DSCAM: variants seen among roughly 807,000 people sequenced by gnomAD.
DSCAM encodes the protein DS cell adhesion molecule.
DSCAM carries 47 observed loss-of-function variants against 217.7 expected under a neutral mutation model. The ratio of observed to expected loss-of-function variants is 0.22; its 90% CI spans 0.17 to 0.28. DSCAM has a LOEUF of 0.28. Ranked by LOEUF, DSCAM falls within the 10% of genes least tolerant of loss-of-function variation. The pLI is 1.00. For missense variants in DSCAM, 2,080 were observed against 2,618.3 expected (o/e 0.79, Z 4.49); for synonymous variants, 1,056 against 1,015.3 (o/e 1.04, Z -0.76).
At chr21:40,381,770 T>C (rs1163870063) in intron 3 of DSCAM, among the ~76,000 whole-genome samples, 1 of 152,242 alleles carries the variant, frequency 6.6e-6, no homozygotes, top group East Asian at 1.9e-4. Context: ...TTTCACACTT[T>C]GGGTTCACCT....
At chr21:40,787,641 T>A (rs979088567) in intron 1 of DSCAM, among the ~76,000 whole-genome samples, 1 of 152,216 alleles carries the variant, frequency 6.6e-6, no homozygotes, top group East Asian at 1.9e-4. Context: ...AGCAGTTCGG[T>A]GTAATACCAG....
At chr21:40,068,800 T>G (rs189841351) in intron 27 of DSCAM, among the ~76,000 whole-genome samples, 2 of 152,270 alleles carry the variant, frequency 1.3e-5, no homozygotes, top group African/African-American at 4.8e-5. Context: ...AAATGGGGTA[T>G]GATGGCTGGA....
intron 1 of DSCAM, among the ~76,000 whole-genome samples, chr21:40,731,753 G>C (rs1389757125): frequency 9.0e-6 from 1 of 110,584 alleles, no homozygotes; most frequent in Non-Finnish European, 1.7e-5. Flanking sequence ...CCCCGGGTGA[G>C]AGTCTTGCTC....
chr21:40,131,328 A>G (rs1448519842), intron 19 of DSCAM, among the ~76,000 whole-genome samples: 1 of 152,248 alleles, frequency 6.6e-6, no homozygotes, highest in Non-Finnish European at 1.5e-5. Flanking sequence ...GGTTGACACA[A>G]TTCTTCACCG....
intron 3 of DSCAM, among the ~76,000 whole-genome samples, chr21:40,569,029 A>T (rs988417498): frequency 2.0e-5 from 3 of 152,168 alleles, no homozygotes; most frequent in African/African-American, 7.2e-5. Context: ...CCCCCTGCCT[A>T]GTAGCATTTC....
intron 14 of DSCAM, among the ~76,000 whole-genome samples, chr21:40,184,891 A>C (rs980392435): frequency 1.3e-5 from 2 of 152,204 alleles, no homozygotes; most frequent in Non-Finnish European, 2.9e-5. Context: ...ATTTTCCTGC[A>C]TGCTGGAGCA....
chr21:40,625,772 C>A (rs2089592701), intron 3 of DSCAM, among the ~76,000 whole-genome samples: 1 of 152,216 alleles, frequency 6.6e-6, no homozygotes, highest in East Asian at 1.9e-4. Flanking sequence ...TTACAAAAAA[C>A]ACATAAACAA....
In DSCAM at chr21:40,847,076, C is replaced by A. The variant is rs1028943966; in HGVS notation, c.-415G>T. ...CCTCCGCATCCAGGCAGCAGGCGGGCGGGCAGGCTCATCTTTGCCGTGCTC... is the reference window on the plus strand; with the variant it reads ...CCTCCGCATCCAGGCAGCAGGCGGGAGGGCAGGCTCATCTTTGCCGTGCTC... On this transcript the variant is annotated 5_prime_UTR_variant, in exon 1 of 33. Coordinates refer to ENST00000400454, the MANE Select transcript of DSCAM (RefSeq NM_001389.5). The A allele has an allele frequency of 1.3e-5, 2 of 152,338 alleles. No homozygotes were observed. Among genetic ancestry groups the A allele is most frequent in the African/African-American group, 4.8e-5 (2 of 41,456 alleles). 9.4% of individuals were successfully genotyped at this position (152,338 alleles called of 1,614,324 possible).
intron 3 of DSCAM, among the ~76,000 whole-genome samples, chr21:40,681,215 A>T (rs1161739968): frequency 6.6e-6 from 1 of 152,246 alleles, no homozygotes; most frequent in African/African-American, 2.4e-5. Flanking sequence ...GTGGCACCCG[A>T]AAGTGAGGAT....
At chr21:40,326,701 A>G (rs1029838883) in intron 8 of DSCAM, among the ~76,000 whole-genome samples, 1 of 152,166 alleles carries the variant, frequency 6.6e-6, no homozygotes, top group African/African-American at 2.4e-5. Context: ...AGAAACAGAA[A>G]GGGCTGAGAG....
intron 1 of DSCAM, among the ~76,000 whole-genome samples, chr21:40,709,458 T>C (rs776922154): frequency 1.2e-4 from 18 of 152,176 alleles, no homozygotes; most frequent in Non-Finnish European, 2.2e-4. Context: ...GTCATCTACA[T>C]TAGGTATTTC....
intron 8 of DSCAM, among the ~76,000 whole-genome samples, chr21:40,334,429 T>A (rs1342711521): frequency 6.6e-6 from 1 of 152,134 alleles, no homozygotes; most frequent in Non-Finnish European, 1.5e-5. Flanking sequence ...GTCTTTATTT[T>A]CCTCACACCT....
chr21:40,485,653 AATTTT>A (rs1211704105), intron 3 of DSCAM, among the ~76,000 whole-genome samples: 1 of 152,174 alleles, frequency 6.6e-6, no homozygotes, highest in Admixed American at 6.5e-5. Context: ...AAGTTTAAAT[AATTTT>A]ATTTTATAAA....
At chr21:40,597,976 A>T (rs973473996) in intron 3 of DSCAM, among the ~76,000 whole-genome samples, 2 of 152,196 alleles carry the variant, frequency 1.3e-5, no homozygotes, top group African/African-American at 4.8e-5. Flanking sequence ...ATTTACATTA[A>T]GCTGTACTCT....
At position 40,101,754 on chromosome 21, in the gene DSCAM, G is replaced by A. The variant is rs145684627; in HGVS notation, c.3697-7880C>T. 8.5e-5 allele frequency among the ~76,000 whole-genome samples: 13 copies of A among 152,062 alleles called. No homozygotes were observed. The East Asian group carries it at 2.5e-3, about 29-fold the overall frequency. On this transcript the variant is annotated intron_variant, in intron 20 of 32. Coordinates refer to ENST00000400454, the MANE Select transcript of DSCAM (RefSeq NM_001389.5). ...CCATCTCAAATACTATTCTTACAGTGGGCTGGTCATGGTTTTTACTGTGGG... is the reference window on the plus strand; with the variant it reads ...CCATCTCAAATACTATTCTTACAGTAGGCTGGTCATGGTTTTTACTGTGGG...
At chr21:40,748,148 T>C (rs544855339) in intron 1 of DSCAM, among the ~76,000 whole-genome samples, 3 of 152,030 alleles carry the variant, frequency 2.0e-5, no homozygotes, top group East Asian at 3.9e-4. Context: ...ATTTCTAAGA[T>C]GTAGAACAAG....
intron 3 of DSCAM, among the ~76,000 whole-genome samples, chr21:40,402,593 T>G (rs1352334063): frequency 2.6e-5 from 4 of 152,004 alleles, no homozygotes; most frequent in African/African-American, 4.8e-5. Flanking sequence ...TTACCTAAAG[T>G]TAGGCAGACT....
At chr21:40,159,318 T>C (rs1306694793) in intron 16 of DSCAM, among the ~76,000 whole-genome samples, 1 of 152,164 alleles carries the variant, frequency 6.6e-6, no homozygotes, top group East Asian at 1.9e-4. Context: ...TCTGAAAAGA[T>C]GGGAAATGTC....
chr21:40,092,983 T>C (rs2089630246), intron 21 of DSCAM, among the ~76,000 whole-genome samples: 1 of 152,210 alleles, frequency 6.6e-6, no homozygotes, highest in Non-Finnish European at 1.5e-5. Flanking sequence ...TTCATTCTTG[T>C]CTTTCAGGCT....
Sources: allele counts gnomAD v4.1 joint callset (sites outside exome capture counted in the v4.1 genomes callset), GRCh38; gene constraint gnomAD v4.1.1; transcripts MANE v1.5; gene names NCBI Gene and HGNC (gene_info 2026-07-23, HGNC 2026-07-21).